CD226: variants seen among roughly 807,000 people sequenced by gnomAD.
The protein encoded by CD226 is CD226 molecule, also known as CD226 antigen.
A neutral mutation model predicts 34.9 loss-of-function variants in CD226; 24 were observed. The ratio of observed to expected loss-of-function variants is 0.69; its 90% confidence interval spans 0.50 to 0.97. The LOEUF (loss-of-function observed/expected upper bound fraction) is 0.97, where lower values mean the gene tolerates loss of function less well. Among genes scored for constraint, CD226 ranks in the 50% least tolerant of loss-of-function variants. CD226 has a pLI of 0.00. For synonymous variants in CD226, 148 were observed against 147.4 expected, an observed-to-expected ratio of 1.00 and a Z score of -0.03; for missense variants, 397 against 412.7, an observed-to-expected ratio of 0.96 and a Z score of 0.33.
chr18:69,888,416 C>T (rs935191721), intron 3 of CD226, among the ~76,000 whole-genome samples: 27 of 125,024 alleles, frequency 2.2e-4, no homozygotes, highest in Admixed American at 5.4e-4. Flanking sequence ...TTTCCTTTCT[C>T]TTTTTTTTTT....
chr18:69,861,554 G>GTATATATATATATATATATATATA lies in CD226; in HGVS notation c.*2759_*2760insTATATATATATATATATATATATA, dbSNP rs112148497. 1,254 of 127,608 alleles carry GTATATATATATATATATATATATA rather than the reference G, an allele frequency of 9.8e-3. 44 individuals are homozygous for GTATATATATATATATATATATATA. The highest frequency in any genetic ancestry group is 0.011 in the Non-Finnish European group (649 of 60,236). 7.9% of individuals were successfully genotyped at this position (127,608 alleles called of 1,614,324 possible). A position where few individuals can be genotyped will look rare whatever the true frequency, so the allele number is the denominator to read the frequency against. ...ATAAATTATATGTGTATATATATAT[G>GTATATATATATATATATATATATA]TATATATATATATATATATGTAAAA... On this transcript the variant is annotated 3_prime_UTR_variant, in exon 6 of 6. Transcript: ENST00000582621.
intron 5 of CD226, 26 bp from the exon 6 acceptor site, chr18:69,864,465 T>A (rs781443147): frequency 1.2e-6 from 2 of 1,606,610 alleles, no homozygotes; most frequent in Admixed American, 1.7e-5. Flanking sequence ...GCAGAGAGTG[T>A]CAATAATTCA....
At chr18:69,944,369 AT>A (rs1461719183) in intron 2 of CD226, 1 of 152,200 alleles carries the variant, frequency 6.6e-6, no homozygotes, top group Non-Finnish European at 1.5e-5. Flanking sequence ...TTTAAGCCCC[AT>A]GAAGGTGACA....
intron 3 of CD226, among the ~76,000 whole-genome samples, chr18:69,878,494 G>C (rs17081758): frequency 6.6e-6 from 1 of 151,954 alleles, no homozygotes; most frequent in Non-Finnish European, 1.5e-5. Flanking sequence ...CGGCAGGCAA[G>C]AGTGGCCATT....
At chr18:69,955,630 G>A (rs538193808) in intron 1 of CD226, among the ~76,000 whole-genome samples, 170 of 152,204 alleles carry the variant, frequency 1.1e-3, no homozygotes, top group African/African-American at 3.9e-3. Flanking sequence ...AGTGAAGGCC[G>A]AGGCGGGCGG....
At chr18:69,906,373 C>T (rs1415820512) in intron 2 of CD226, among the ~76,000 whole-genome samples, 1 of 152,194 alleles carries the variant, frequency 6.6e-6, no homozygotes. Context: ...AGTGTGATTC[C>T]TATCCAATTA....
intron 2 of CD226, among the ~76,000 whole-genome samples, chr18:69,910,060 C>T (rs923212170): frequency 1.3e-5 from 2 of 152,106 alleles, no homozygotes; most frequent in African/African-American, 4.8e-5. Context: ...GAACAGGAAA[C>T]GGGAAGAGGA....
chr18:69,862,332 A>G lies in CD226; in HGVS notation c.*1982T>C, dbSNP rs1982872175. The stretch of plus-strand genomic sequence containing the variant: ...AATATTTTGATTGTCTTTACCATTC[A>G]GAAAAGAAATTATTTACCTTTTAAT... On this transcript the variant is annotated 3_prime_UTR_variant, in exon 6 of 6. Transcript: ENST00000582621. 1.3e-5 allele frequency: 2 copies of G among 152,184 alleles called. No individual in the cohort carries two copies. The highest frequency in any genetic ancestry group is 2.9e-5 in the Non-Finnish European group (2 of 68,002). The allele number at this position is 152,184 out of a possible 1,614,324, so 9.4% of individuals were successfully genotyped here. A position where few individuals can be genotyped will look rare whatever the true frequency, so the allele number is the denominator to read the frequency against.
chr18:69,855,883 A>G lies in CD226; in HGVS notation c.*8431T>C, dbSNP rs147370149. 2.1e-3 allele frequency: 315 copies of G among 152,288 alleles called. 4 individuals are homozygous for G. Among genetic ancestry groups the G allele is most frequent in the African/African-American group, 7.1e-3 (295 of 41,570 alleles). The allele number at this position is 152,288 out of a possible 1,614,324, so 9.4% of individuals were successfully genotyped here. A position where few individuals can be genotyped will look rare whatever the true frequency, so the allele number is the denominator to read the frequency against. On this transcript the variant is annotated 3_prime_UTR_variant, in exon 6 of 6. Transcript: ENST00000582621. ...TGGTGGGTTTAAACACACAAAAAAG[A>G]TGAATGTTAGAGGTGACAGATATCA...
upstream of CD226, among the ~76,000 whole-genome samples, chr18:69,951,729 A>C (rs1037429354): frequency 6.6e-6 from 1 of 152,250 alleles, no homozygotes; most frequent in Non-Finnish European, 1.5e-5. Context: ...GGGTATTGGC[A>C]TATACATAGA....
At position 69,853,718 on chromosome 18, in the gene CD226, G is replaced by A. The variant is rs1982537776; in HGVS notation, c.*10596C>T. On this transcript the variant is annotated 3_prime_UTR_variant, in exon 6 of 6. Transcript: ENST00000582621. The stretch of plus-strand genomic sequence containing the variant: ...AGTTTATTTCCAATCGCATAGACTT[G>A]ACATGTTATCTCCTTGTGGCTTGTG... The A allele has an allele frequency of 6.6e-6, 1 of 152,088 alleles. No individual in the cohort carries two copies. Among genetic ancestry groups the A allele is most frequent in the Admixed American group, 6.5e-5 (1 of 15,278 alleles). The allele number at this position is 152,088 out of a possible 1,614,324, so 9.4% of individuals were successfully genotyped here. A position where few individuals can be genotyped will look rare whatever the true frequency, so the allele number is the denominator to read the frequency against.
Position 69,912,672 on chromosome 18 carries a change from TTAA to T in CD226, c.383-16630_383-16628del, listed in dbSNP as rs202235365. Among the ~76,000 whole-genome samples the T allele has an allele frequency of 3.2e-3, 490 of 152,366 alleles. 10 individuals are homozygous for T. The highest frequency in any genetic ancestry group is 0.026 in the Admixed American group (403 of 15,304). On this transcript the variant is annotated intron_variant, in intron 2 of 5. Transcript: ENST00000582621. ...ATAATAATCTAGTCTTTAGGTCTGA[TTAA>T]TAATAATAACAGCTATAGTTTGAGG...
chr18:69,921,839 G>A (rs1420716137), intron 2 of CD226, among the ~76,000 whole-genome samples: 2 of 151,844 alleles, frequency 1.3e-5, no homozygotes, highest in Non-Finnish European at 2.9e-5. Flanking sequence ...CGGGTTTTTT[G>A]TTTTGATTTA....
At chr18:69,909,339 A>C (rs2055296032) in intron 2 of CD226, among the ~76,000 whole-genome samples, 1 of 152,082 alleles carries the variant, frequency 6.6e-6, no homozygotes, top group African/African-American at 2.4e-5. Context: ...CTCCATTCCC[A>C]CTTCTGCCAA....
intron 2 of CD226, among the ~76,000 whole-genome samples, chr18:69,919,768 T>C (rs2055428726): frequency 6.6e-6 from 1 of 152,084 alleles, no homozygotes; most frequent in African/African-American, 2.4e-5. Flanking sequence ...TACTGAACAG[T>C]ACCAAACACC....
chr18:69,906,490 C>G (rs2055254925), intron 2 of CD226, among the ~76,000 whole-genome samples: 1 of 151,934 alleles, frequency 6.6e-6, no homozygotes, highest in Non-Finnish European at 1.5e-5. Context: ...ACACAAGGTC[C>G]TCTGGTCTTG....
In CD226 at chr18:69,858,238, C is replaced by G. The variant is rs1372216112; in HGVS notation, c.*6076G>C. 6.6e-6 allele frequency: 1 copy of G among 152,128 alleles called. No individual in the cohort carries two copies. 9.4% of individuals were successfully genotyped at this position (152,128 alleles called of 1,614,324 possible). ...TATTTAGTTACATCTGGAATAAACTCAGGTATTACACAGGGCCTTGAAACA... is the reference window on the plus strand; with the variant it reads ...TATTTAGTTACATCTGGAATAAACTGAGGTATTACACAGGGCCTTGAAACA... On this transcript the variant is annotated 3_prime_UTR_variant, in exon 6 of 6. Transcript: ENST00000582621.
chr18:69,958,325 T>C (rs1384999143), upstream of CD226, among the ~76,000 whole-genome samples: 4 of 152,184 alleles, frequency 2.6e-5, no homozygotes, highest in South Asian at 2.1e-4. Flanking sequence ...GACGAAGCCA[T>C]GCAATGACTT....
intron 2 of CD226, among the ~76,000 whole-genome samples, chr18:69,944,120 AAT>A (rs1452409566): frequency 6.6e-6 from 1 of 152,182 alleles, no homozygotes; most frequent in African/African-American, 2.4e-5. Context: ...AAATACAACT[AAT>A]ATTTTTTAAA....
Sources: gnomAD v4.1 joint callset for allele counts (sites outside exome capture counted in the v4.1 genomes callset) on GRCh38, gnomAD v4.1.1 for gene constraint, MANE v1.5 for transcripts, NCBI Gene and HGNC (gene_info 2026-07-23, HGNC 2026-07-21) for gene names.